The following PSD3 variants were observed in gnomAD, a reference collection of about 807,000 sequenced individuals.
The protein encoded by PSD3 is PH and SEC7 domain-containing protein 3.
In PSD3, 49 loss-of-function variants were observed where a neutral mutation model predicts 105.5. That is an observed-to-expected ratio of 0.46 (90% CI 0.37 to 0.59). PSD3 has a LOEUF of 0.59. PSD3 is among the 20% of genes least tolerant of loss of function. PSD3 has a pLI of 0.00. For missense variants in PSD3, 1,561 were observed against 1,263.8 expected (o/e 1.24, Z -3.57); for synonymous variants, 557 against 457.8 (o/e 1.22, Z -2.77).
At chr8:18,579,359 C>T (rs548994877) in intron 12 of PSD3, among the ~76,000 whole-genome samples, 1 of 152,180 alleles carries the variant, frequency 6.6e-6, no homozygotes, top group Non-Finnish European at 1.5e-5. Context: ...AAACAGTGAG[C>T]AAGATAAATC....
intron 10 of PSD3, among the ~76,000 whole-genome samples, chr8:18,637,227 CTCTT>C (rs1426959672): frequency 6.6e-6 from 1 of 152,160 alleles, no homozygotes; most frequent in African/African-American, 2.4e-5. Context: ...TATGGGTGAG[CTCTT>C]TTTTTCTCAC....
intron 4 of PSD3, among the ~76,000 whole-genome samples, chr8:18,824,134 C>T (rs1812983074): frequency 1.3e-5 from 2 of 152,192 alleles, no homozygotes; most frequent in African/African-American, 4.8e-5. Context: ...GATCATGCCA[C>T]TGCACTCTAG....
At chr8:19,043,211 T>G (rs2129476774) in intron 1 of PSD3, among the ~76,000 whole-genome samples, 1 of 152,340 alleles carries the variant, frequency 6.6e-6, no homozygotes, top group African/African-American at 2.4e-5. Flanking sequence ...ATAGGATATT[T>G]GGCCAAAATG....
At chr8:18,748,685 T>C (rs1805226727) in intron 9 of PSD3, among the ~76,000 whole-genome samples, 1 of 151,840 alleles carries the variant, frequency 6.6e-6, no homozygotes, top group East Asian at 1.9e-4. Flanking sequence ...AAAAAAGATT[T>C]TTCCTTTATG....
chr8:18,786,713 G>A (rs1037039701), intron 8 of PSD3: 1 of 152,152 alleles, frequency 6.6e-6, no homozygotes, highest in African/African-American at 2.4e-5. Flanking sequence ...TTCTTTACTG[G>A]TTCAGAGAAT....
chr8:18,665,402 C>T (rs1335868651), intron 9 of PSD3, among the ~76,000 whole-genome samples: 5 of 152,146 alleles, frequency 3.3e-5, no homozygotes, highest in East Asian at 1.9e-4. Flanking sequence ...TAGAATTAGA[C>T]GTGGAGCCTA....
At chr8:19,018,728 C>A (rs1827257712) in intron 1 of PSD3, among the ~76,000 whole-genome samples, 1 of 152,104 alleles carries the variant, frequency 6.6e-6, no homozygotes, top group East Asian at 1.9e-4. Context: ...AATACTTTTT[C>A]TTGAATCAAG....
chr8:18,741,795 T>TAAAAAAAAAAAAAAAAAAAAAAAAAA (rs3042866), intron 9 of PSD3, among the ~76,000 whole-genome samples: 1 of 79,686 alleles, frequency 1.3e-5, no homozygotes, highest in African/African-American at 6.1e-5. Context: ...AATTTTATTG[T>TAAAAAAAAAAAAAAAAAAAAAAAAAA]AAAAAAAAAA....
At chr8:18,811,265 G>C (rs1180135790) in intron 4 of PSD3, among the ~76,000 whole-genome samples, 1 of 152,154 alleles carries the variant, frequency 6.6e-6, no homozygotes, top group African/African-American at 2.4e-5. Flanking sequence ...TGGTCAGTGA[G>C]ACTCCAATGC....
chr8:18,996,196 G>A (rs532347171), intron 1 of PSD3, among the ~76,000 whole-genome samples: 1 of 151,660 alleles, frequency 6.6e-6, no homozygotes, highest in Non-Finnish European at 1.5e-5. Flanking sequence ...TGCATGCAAT[G>A]AACATTTAGT....
At chr8:18,773,538 C>T (rs1424621609) in intron 8 of PSD3, among the ~76,000 whole-genome samples, 2 of 152,000 alleles carry the variant, frequency 1.3e-5, no homozygotes, top group African/African-American at 4.8e-5. Context: ...TGATAGTAAT[C>T]GTGTTGAATC....
intron 1 of PSD3, among the ~76,000 whole-genome samples, chr8:18,998,675 A>C (rs992568349): frequency 5.9e-5 from 9 of 151,934 alleles, no homozygotes; most frequent in African/African-American, 1.9e-4. Context: ...CAACAGAGCG[A>C]GATTCCATCT....
intron 8 of PSD3, among the ~76,000 whole-genome samples, chr8:18,779,533 T>C (rs570940388): frequency 6.6e-6 from 1 of 152,174 alleles, no homozygotes; most frequent in Non-Finnish European, 1.5e-5. Flanking sequence ...GGTGCATCAA[T>C]AGGTTCTTTA....
At chr8:18,661,122 A>G (rs890758704) in intron 9 of PSD3, among the ~76,000 whole-genome samples, 1 of 152,054 alleles carries the variant, frequency 6.6e-6, no homozygotes, top group Non-Finnish European at 1.5e-5. Flanking sequence ...CATATTTTGC[A>G]CAGTTGATGG....
chr8:18,979,544 C>A (rs571975487), intron 1 of PSD3: 50 of 152,316 alleles, frequency 3.3e-4, no homozygotes, highest in Non-Finnish European at 5.9e-4. Flanking sequence ...ACTAATATCT[C>A]CTTACAGCTT....
intron 1 of PSD3, among the ~76,000 whole-genome samples, chr8:18,966,798 G>A (rs1824282411): frequency 6.6e-6 from 1 of 151,976 alleles, no homozygotes; most frequent in Non-Finnish European, 1.5e-5. Flanking sequence ...ATCTGATTTT[G>A]ATATTTAAAT....
chr8:18,577,754 T>G (rs1454094706), intron 12 of PSD3, among the ~76,000 whole-genome samples: 1 of 152,092 alleles, frequency 6.6e-6, no homozygotes, highest in African/African-American at 2.4e-5. Flanking sequence ...CTTACTAAAA[T>G]TATCTTGTGT....
chr8:19,023,197 T>C (rs1463416906), intron 1 of PSD3, among the ~76,000 whole-genome samples: 1 of 152,180 alleles, frequency 6.6e-6, no homozygotes, highest in Admixed American at 6.5e-5. Context: ...TACAACCACA[T>C]TGTGAATATT....
intron 10 of PSD3, among the ~76,000 whole-genome samples, chr8:18,653,495 T>A (rs17126994): frequency 0.17 from 26,219 of 152,126 alleles, 2,701 homozygotes; most frequent in African/African-American, 0.29. Flanking sequence ...AGACTCAATA[T>A]TTGCTCAGTC....
Sources: gnomAD v4.1 joint callset for allele counts (sites outside exome capture counted in the v4.1 genomes callset) on GRCh38, gnomAD v4.1.1 for gene constraint, MANE v1.5 for transcripts, NCBI Gene and HGNC (gene_info 2026-07-23, HGNC 2026-07-21) for gene names.